Variants in KALRN observed in about 807,000 individuals in gnomAD.
The protein encoded by KALRN is kalirin RhoGEF kinase, also known as kalirin.
Under a neutral mutation model 353.7 loss-of-function variants are expected in KALRN, and 70 were observed. The observed-to-expected ratio is 0.20, with a 90% CI of 0.16 to 0.24. The LOEUF (loss-of-function observed/expected upper bound fraction) is 0.24. KALRN is among the 10% of genes least tolerant of loss of function. KALRN has a pLI of 1.00. For synonymous variants in KALRN, 1,391 were observed against 1,434.8 expected (o/e 0.97, Z 0.69); for missense variants, 2,791 against 3,756.7 (o/e 0.74, Z 6.72).
intron 10 of KALRN, 75 bp from the exon 11 acceptor site, chr3:124,384,770 C>A: frequency 7.0e-7 from 1 of 1,430,386 alleles, no homozygotes; most frequent in Non-Finnish European, 9.5e-7. Context: ...TCCGCTTCAG[C>A]TCCGGGGAGC....
chr3:124,261,898 A>G (rs1241821525), intron 3 of KALRN, among the ~76,000 whole-genome samples: 3 of 152,218 alleles, frequency 2.0e-5, no homozygotes, highest in Non-Finnish European at 4.4e-5. Flanking sequence ...CTAAATCCCA[A>G]TAGAAAGCCA....
chr3:124,495,385 C>A (rs1238551160), intron 32 of KALRN, among the ~76,000 whole-genome samples: 2 of 152,088 alleles, frequency 1.3e-5, no homozygotes, highest in African/African-American at 2.4e-5. Flanking sequence ...AAGTTAATAT[C>A]CCCTGGAGAC....
intron 3 of KALRN, among the ~76,000 whole-genome samples, chr3:124,255,596 T>C (rs185490653): frequency 1.3e-5 from 2 of 152,334 alleles, no homozygotes; most frequent in East Asian, 3.9e-4. Flanking sequence ...TGAAGCCGTA[T>C]GAATCTCTGT....
intron 1 of KALRN, among the ~76,000 whole-genome samples, chr3:124,205,473 A>G (rs1001718699): frequency 2.0e-4 from 30 of 152,324 alleles, no homozygotes; most frequent in African/African-American, 7.0e-4. Context: ...ACATCTATGA[A>G]ATGCAGACAA....
chr3:124,643,321 AT>A (rs1019027526), intron 37 of KALRN, among the ~76,000 whole-genome samples: 10 of 150,084 alleles, frequency 6.7e-5, no homozygotes, highest in East Asian at 3.9e-4. Context: ...CCTCCACAAA[AT>A]TTTTTTTTTA....
intron 1 of KALRN, among the ~76,000 whole-genome samples, chr3:124,206,313 G>A (rs1183599434): frequency 6.6e-6 from 1 of 152,210 alleles, no homozygotes. Context: ...TGAGAAGAGA[G>A]AATGTGGAGG....
intron 33 of KALRN, among the ~76,000 whole-genome samples, chr3:124,517,324 C>G (rs530357004): frequency 6.6e-6 from 1 of 152,290 alleles, no homozygotes; most frequent in East Asian, 1.9e-4. Flanking sequence ...AGTATTTTCT[C>G]TCACTAAATG....
intron 34 of KALRN, among the ~76,000 whole-genome samples, chr3:124,567,073 G>T (rs1229370686): frequency 6.6e-6 from 1 of 152,176 alleles, no homozygotes; most frequent in Non-Finnish European, 1.5e-5. Flanking sequence ...GGTTCCCAAC[G>T]CTGGCTGCAC....
At chr3:124,597,996 G>C (rs2076430486) in intron 34 of KALRN, among the ~76,000 whole-genome samples, 1 of 152,164 alleles carries the variant, frequency 6.6e-6, no homozygotes, top group African/African-American at 2.4e-5. Flanking sequence ...GATCTAGTCT[G>C]AGGGAAGACC....
At chr3:124,529,793 G>GA (rs372015719) in intron 33 of KALRN, among the ~76,000 whole-genome samples, 49 of 136,096 alleles carry the variant, frequency 3.6e-4, no homozygotes, top group South Asian at 4.7e-4. Flanking sequence ...TGGGAAGATG[G>GA]AAAAAAAAAA....
intron 23 of KALRN, among the ~76,000 whole-genome samples, chr3:124,459,152 A>C (rs2059613905): frequency 6.6e-6 from 1 of 152,152 alleles, no homozygotes; most frequent in Admixed American, 6.5e-5. Context: ...TCCTCCCCTG[A>C]CTTGCTCTAG....
intron 53 of KALRN, 63 bp from the exon 54 acceptor site, chr3:124,696,071 T>G (rs947923320): frequency 2.5e-6 from 4 of 1,587,210 alleles, no homozygotes; most frequent in Non-Finnish European, 3.4e-6. Flanking sequence ...CCCTATGGGA[T>G]TTTACCCAGC....
At chr3:124,274,610 A>G (rs1398989213) in intron 5 of KALRN, among the ~76,000 whole-genome samples, 1 of 152,202 alleles carries the variant, frequency 6.6e-6, no homozygotes, top group Non-Finnish European at 1.5e-5. Flanking sequence ...CATGCCTATT[A>G]TTGGTTTATG....
At chr3:124,211,435 A>G (rs2076887526) in intron 1 of KALRN, among the ~76,000 whole-genome samples, 1 of 152,234 alleles carries the variant, frequency 6.6e-6, no homozygotes, top group Non-Finnish European at 1.5e-5. Context: ...TATGTGAACA[A>G]ATACAGAAAT....
At chr3:124,094,683 G>A in intron 1 of KALRN, 1 of 684,600 alleles carries the variant, frequency 1.5e-6, no homozygotes, top group Non-Finnish European at 2.7e-6. Flanking sequence ...CAGCCTCTGT[G>A]TGGGAGGACT....
At chr3:124,376,277 C>G (rs1285442669) in intron 10 of KALRN, among the ~76,000 whole-genome samples, 1 of 152,192 alleles carries the variant, frequency 6.6e-6, no homozygotes, top group Non-Finnish European at 1.5e-5. Flanking sequence ...AGGTGCATCT[C>G]TTTAGGGTAC....
At chr3:124,105,560 C>T (rs955678856) in intron 1 of KALRN, among the ~76,000 whole-genome samples, 1 of 151,974 alleles carries the variant, frequency 6.6e-6, no homozygotes, top group Non-Finnish European at 1.5e-5. Flanking sequence ...AGAGCCAGGA[C>T]ATAATAATTT....
At chr3:124,255,305 C>T (rs2071789613) in intron 3 of KALRN, among the ~76,000 whole-genome samples, 1 of 152,132 alleles carries the variant, frequency 6.6e-6, no homozygotes, top group African/African-American at 2.4e-5. Context: ...CTTTGCTCCT[C>T]ATGTGGGCTG....
At chr3:124,170,255 G>C (rs1195051992) in intron 1 of KALRN, among the ~76,000 whole-genome samples, 1 of 152,218 alleles carries the variant, frequency 6.6e-6, no homozygotes, top group East Asian at 1.9e-4. Flanking sequence ...TCTCTTCTCT[G>C]AGTGTGATGA....
Sources: gnomAD v4.1 joint callset for allele counts (sites outside exome capture counted in the v4.1 genomes callset) on GRCh38, gnomAD v4.1.1 for gene constraint, MANE v1.5 for transcripts, NCBI Gene and HGNC (gene_info 2026-07-23, HGNC 2026-07-21) for gene names.